MXI1: variants seen among roughly 807,000 people sequenced by gnomAD.
MXI1 encodes max-interacting protein 1.
In MXI1, 18 loss-of-function variants were observed where a neutral mutation model predicts 36.9. The observed-to-expected ratio is 0.49, with a 90% CI of 0.34 to 0.72. The LOEUF is 0.72. Ranked by LOEUF, MXI1 falls within the 30% of genes least tolerant of loss-of-function variation. MXI1 has a pLI of 0.01. For synonymous variants in MXI1, 160 were observed against 146.7 expected, an observed-to-expected ratio of 1.09 and a Z score of -0.65; for missense variants, 304 against 379.1, an observed-to-expected ratio of 0.80 and a Z score of 1.64.
intron 3 of MXI1, among the ~76,000 whole-genome samples, chr10:110,264,211 TA>T (rs1225968070): frequency 1.3e-5 from 2 of 152,164 alleles, no homozygotes; most frequent in African/African-American, 4.8e-5. Context: ...AAGAGGTTAT[TA>T]AAAAGAAAGT....
chr10:110,241,062 G>A (rs1400522221), intron 2 of MXI1, among the ~76,000 whole-genome samples: 1 of 151,844 alleles, frequency 6.6e-6, no homozygotes, highest in Non-Finnish European at 1.5e-5. Context: ...TTTATGTATT[G>A]GAGCTATGTT....
At chr10:110,240,294 T>TA (rs1039995371) in intron 2 of MXI1, among the ~76,000 whole-genome samples, 2 of 152,084 alleles carry the variant, frequency 1.3e-5, no homozygotes, top group African/African-American at 2.4e-5. Flanking sequence ...TGGAAATACT[T>TA]AGTCATAAAG....
chr10:110,217,976 A>C (rs1476254063), intron 1 of MXI1, among the ~76,000 whole-genome samples: 6 of 152,202 alleles, frequency 3.9e-5, no homozygotes, highest in Non-Finnish European at 7.3e-5. Flanking sequence ...TGCAGGTGCT[A>C]TAATAACCCT....
At chr10:110,224,462 C>T (rs530086365) in intron 1 of MXI1, among the ~76,000 whole-genome samples, 1 of 152,172 alleles carries the variant, frequency 6.6e-6, no homozygotes, top group African/African-American at 2.4e-5. Flanking sequence ...GGGTAGAGGC[C>T]AGGGATGCTC....
At chr10:110,220,343 C>T (rs891782853) in intron 1 of MXI1, among the ~76,000 whole-genome samples, 2 of 152,208 alleles carry the variant, frequency 1.3e-5, no homozygotes, top group Non-Finnish European at 2.9e-5. Flanking sequence ...GATCTAGGGA[C>T]AATCCCAGCT....
At chr10:110,235,889 C>T (rs561662735) in intron 2 of MXI1, among the ~76,000 whole-genome samples, 14 of 151,920 alleles carry the variant, frequency 9.2e-5, no homozygotes, top group Admixed American at 1.3e-4. Flanking sequence ...CGCCAGTAAT[C>T]CCAGCTACTT....
intron 3 of MXI1, among the ~76,000 whole-genome samples, chr10:110,270,514 T>C (rs934145378): frequency 1.3e-5 from 2 of 151,816 alleles, no homozygotes; most frequent in African/African-American, 4.8e-5. Flanking sequence ...TTAAAAAAAA[T>C]AGTTGTTTAT....
intron 3 of MXI1, among the ~76,000 whole-genome samples, chr10:110,254,829 G>C (rs762147922): frequency 6.6e-5 from 10 of 152,186 alleles, no homozygotes; most frequent in Non-Finnish European, 1.5e-4. Flanking sequence ...AAAGTTGGAA[G>C]CTAGCAGAGT....
At chr10:110,227,612 G>A in intron 1 of MXI1, 2 of 933,564 alleles carry the variant, frequency 2.1e-6, no homozygotes, top group Non-Finnish European at 2.6e-6. Flanking sequence ...GAGGCCGGGA[G>A]AACACTGAGC....
chr10:110,234,316 G>A (rs1343991638), intron 2 of MXI1, among the ~76,000 whole-genome samples: 1 of 152,148 alleles, frequency 6.6e-6, no homozygotes, highest in East Asian at 1.9e-4. Flanking sequence ...TTGATGGTAT[G>A]CTTTGACAGA....
At chr10:110,281,073 A>T (rs773352419) in intron 5 of MXI1, among the ~76,000 whole-genome samples, 1 of 152,018 alleles carries the variant, frequency 6.6e-6, no homozygotes, top group Non-Finnish European at 1.5e-5. Context: ...TGTTTTTAGG[A>T]CTCTGATTTT....
At chr10:110,211,671 A>G (rs569126654) in intron 1 of MXI1, among the ~76,000 whole-genome samples, 1 of 152,302 alleles carries the variant, frequency 6.6e-6, no homozygotes, top group South Asian at 2.1e-4. Context: ...ACATGGCTGA[A>G]TTACTTCCAG....
At chr10:110,208,308 G>T (rs1020108224) in intron 1 of MXI1, 11 of 421,612 alleles carry the variant, frequency 2.6e-5, no homozygotes, top group Non-Finnish European at 4.2e-5. Context: ...GCGTCGGTCT[G>T]TCCTCTCCGG....
intron 1 of MXI1, among the ~76,000 whole-genome samples, chr10:110,209,995 C>G (rs536514240): frequency 2.7e-5 from 4 of 150,300 alleles, no homozygotes; most frequent in Admixed American, 6.6e-5. Flanking sequence ...TCCCGCCCCC[C>G]ACTTCGCACC....
intron 2 of MXI1, among the ~76,000 whole-genome samples, chr10:110,241,761 T>A (rs1056044049): frequency 3.3e-5 from 5 of 151,974 alleles, no homozygotes; most frequent in African/African-American, 1.2e-4. Flanking sequence ...TTGGGTAACA[T>A]AATTTTAGTC....
At chr10:110,280,409 G>C (rs778273048) in intron 5 of MXI1, among the ~76,000 whole-genome samples, 6 of 151,756 alleles carry the variant, frequency 4.0e-5, no homozygotes, top group African/African-American at 7.2e-5. Context: ...TGTTGTGCCC[G>C]GTGGCTCATG....
intron 3 of MXI1, among the ~76,000 whole-genome samples, chr10:110,245,493 C>G (rs543972683): frequency 6.6e-6 from 1 of 152,100 alleles, no homozygotes; most frequent in East Asian, 1.9e-4. Flanking sequence ...CACCTGATAC[C>G]TTTTTGAAGG....
chr10:110,246,814 T>C (rs377547551), intron 3 of MXI1, among the ~76,000 whole-genome samples: 3 of 152,188 alleles, frequency 2.0e-5, no homozygotes, highest in South Asian at 4.1e-4. Context: ...TTTCTGCCTT[T>C]TATTTCTGAT....
intron 1 of MXI1, chr10:110,226,341 G>A (rs1854966959): frequency 2.1e-6 from 3 of 1,431,454 alleles, no homozygotes; most frequent in Admixed American, 2.4e-5. Flanking sequence ...TCGGCAGTGC[G>A]GTGCGGCCGG....
Sources: gnomAD v4.1 joint callset for allele counts (sites outside exome capture counted in the v4.1 genomes callset) on GRCh38, gnomAD v4.1.1 for gene constraint, MANE v1.5 for transcripts, NCBI Gene and HGNC (gene_info 2026-07-23, HGNC 2026-07-21) for gene names.